The following USP47 variants were observed in gnomAD, a reference collection of about 807,000 sequenced individuals.
USP47 encodes ubiquitin carboxyl-terminal hydrolase 47.
Under a neutral mutation model 165.1 loss-of-function variants are expected in USP47, and 35 were observed. The observed-to-expected ratio is 0.21, with a 90% confidence interval of 0.16 to 0.28. USP47 has a LOEUF of 0.28. Ranked by LOEUF, USP47 falls within the 10% of genes least tolerant of loss-of-function variation. USP47 has a pLI of 1.00. For synonymous variants in USP47, 531 were observed against 544.5 expected, an observed-to-expected ratio of 0.98 and a Z score of 0.35; for missense variants, 1,277 against 1,607.4, an observed-to-expected ratio of 0.79 and a Z score of 3.52.
rs550986764 is a variant in USP47 at position 11,845,859 on chromosome 11, C to T, written c.39+3635C>T. Among the ~76,000 whole-genome samples, 11 of 152,284 alleles carry T rather than the reference C, an allele frequency of 7.2e-5. No homozygotes were observed. In the South Asian group the frequency reaches 1.0e-3, roughly 14 times the overall value. ...TTTAAGTTTTTGAGTTGAGAGAAGT[C>T]TAGATCTCTATAGCTGCCATCTTTT... is the stretch of plus-strand genomic sequence containing the variant. On this transcript the variant is annotated intron_variant, in intron 1 of 27. Transcript: ENST00000527733.
chr11:11,922,801 C>T lies in USP47; in HGVS notation c.1296C>T (p.Asn432=), dbSNP rs1176306188. 7 of 1,611,072 alleles carry T rather than the reference C, an allele frequency of 4.3e-6. No individual in the cohort carries two copies. Among genetic ancestry groups the T allele is most frequent in the Admixed American group, 1.7e-5 (1 of 59,842 alleles). The change falls in exon 11 of 28, where the codon AAC becomes AAT. Residue 432 remains asparagine, a synonymous_variant. Transcript: ENST00000527733. ...EGSCHSDQMS[N]DFSNDDGVDE... Reference sequence around the variant, plus strand: ...GTTGTCACAGTGATCAGATGAGCAACGATTTCTCCAATGATGATGGTGTTG... The same window carrying T: ...GTTGTCACAGTGATCAGATGAGCAATGATTTCTCCAATGATGATGGTGTTG...
intron 11 of USP47, among the ~76,000 whole-genome samples, chr11:11,924,547 T>C (rs1270480817): frequency 6.6e-6 from 1 of 152,202 alleles, no homozygotes; most frequent in Non-Finnish European, 1.5e-5. Flanking sequence ...GTTTCTTAAA[T>C]ATTTGGTAGA....
Position 11,957,098 on chromosome 11 carries a change from A to T in USP47, c.*923A>T, listed in dbSNP as rs534249728. 2.0e-5 allele frequency: 3 copies of T among 152,288 alleles called. No homozygotes were observed. In the South Asian group the frequency reaches 6.2e-4, roughly 32 times the overall value. The allele number at this position is 152,288 out of a possible 1,614,324, so 9.4% of individuals were successfully genotyped here. On this transcript the variant is annotated 3_prime_UTR_variant, in exon 28 of 28. Coordinates refer to ENST00000527733, the MANE Select transcript of USP47 (RefSeq NM_001282659.2). ...CATAGGATTGTCGTTGCCCTTGTTA[A>T]TGAGGTTTCTCTGTTCAGCGGCTTC... is the stretch of plus-strand genomic sequence containing the variant.
intron 1 of USP47, among the ~76,000 whole-genome samples, chr11:11,842,920 C>G (rs147529499): frequency 6.9e-6 from 1 of 145,474 alleles, no homozygotes; most frequent in Non-Finnish European, 1.5e-5. Context: ...GCAAGTGATA[C>G]GAGAAGCCTT....
intron 10 of USP47, 47 bp downstream of exon 10, chr11:11,920,541 C>A: frequency 1.3e-6 from 2 of 1,535,972 alleles, no homozygotes; most frequent in South Asian, 1.3e-5. Context: ...CCACATTAGT[C>A]AGTCATGGTT....
chr11:11,848,145 G>A lies in USP47; in HGVS notation c.39+5921G>A, dbSNP rs529699150. Reference sequence around the variant, plus strand: ...TTTATCAAAGTTATGTTTAATACATGCATATATTTATAAGAGTTAAATAGC... The same window carrying A: ...TTTATCAAAGTTATGTTTAATACATACATATATTTATAAGAGTTAAATAGC... On this transcript the variant is annotated intron_variant, in intron 1 of 27. Coordinates refer to ENST00000527733, the MANE Select transcript of USP47 (RefSeq NM_001282659.2). Among the ~76,000 whole-genome samples, 6 of 152,284 alleles carry A rather than the reference G, an allele frequency of 3.9e-5. No individual in the cohort carries two copies. The East Asian group carries it at 9.6e-4, about 24-fold the overall frequency.
rs763878691 is a variant in USP47 at position 11,936,377 on chromosome 11, A to G, written c.1944A>G (p.Leu648=). The part of the protein sequence containing the change: ...LVKYDEFHDY[L]ERSYEGEEDT... Reference sequence around the variant, plus strand: ...AATATGATGAGTTTCATGATTATCTAGAACGGTCATATGAAGGAGAAGAAG... The same window carrying G: ...AATATGATGAGTTTCATGATTATCTGGAACGGTCATATGAAGGAGAAGAAG... The change falls in exon 17 of 28, where the codon CTA becomes CTG. Residue 648 remains leucine (L), a synonymous_variant. Transcript: ENST00000527733. The G allele has an allele frequency of 9.9e-6, 16 of 1,610,320 alleles. No individual in the cohort carries two copies. The highest frequency in any genetic ancestry group is 1.2e-5 in the Non-Finnish European group (14 of 1,177,628).
At chr11:11,899,581 C>T (rs1317299879) in intron 5 of USP47, among the ~76,000 whole-genome samples, 2 of 152,004 alleles carry the variant, frequency 1.3e-5, no homozygotes, top group Non-Finnish European at 2.9e-5. Flanking sequence ...AGGGTCACAG[C>T]TTCAGGTAGT....
Position 11,950,462 on chromosome 11 carries a change from T to C in USP47, c.3563T>C (p.Val1188Ala), listed in dbSNP as rs746354661. Reference protein sequence around the residue: ...EDINISSNWEVFLEVLDGVEK... With the variant: ...EDINISSNWEAFLEVLDGVEK... ...ATTAATATTTCCAGCAACTGGGAGG[T>C]TTTCCTTGAAGTTCTTGATGGTATT... The change falls in exon 24 of 28, where the codon GTT (valine) becomes GCT (alanine). Residue 1188 changes from valine to alanine, a missense_variant. By Grantham distance (64) the Val-to-Ala change is moderately conservative. This residue lies in a region of USP47 where 909 missense variants were observed against 1,068.1 expected (regional missense o/e 0.85). Transcript: ENST00000527733. The C allele has an allele frequency of 1.9e-6, 3 of 1,605,160 alleles. No homozygotes were observed. The Admixed American group carries it at 5.1e-5, about 27-fold the overall frequency.
Position 11,961,322 on chromosome 11 carries a change from C to T in USP47, c.*5147C>T, listed in dbSNP as rs189120268. Among the ~76,000 whole-genome samples, 269 of 151,982 alleles carry T rather than the reference C, an allele frequency of 1.8e-3. 1 individual carries two copies. The highest frequency in any genetic ancestry group is 6.8e-3 in the Middle Eastern group (2 of 294). On this transcript the variant is annotated 3_prime_UTR_variant, in exon 28 of 28. Coordinates refer to ENST00000527733, the MANE Select transcript of USP47 (RefSeq NM_001282659.2). ...ATGCAATTAAGGTTAAGGACCTTGA[C>T]GTGGGAAGATTATTCTGGATTATCT...
chr11:11,942,738 T>G lies in USP47; in HGVS notation c.2717T>G (p.Leu906Arg). 6.2e-7 allele frequency: 1 copy of G among 1,613,622 alleles called. No individual in the cohort carries two copies. Among genetic ancestry groups the G allele is most frequent in the Non-Finnish European group, 8.5e-7 (1 of 1,179,758 alleles). Reference sequence around the variant, plus strand: ...TCAGCATCAGTGGATAATAGAGAACTTGAACAGCATATTCAGACTTCTGAT... The same window carrying G: ...TCAGCATCAGTGGATAATAGAGAACGTGAACAGCATATTCAGACTTCTGAT... ...DSSASVDNRELEQHIQTSDPE... is the reference protein window; with the variant it reads ...DSSASVDNREREQHIQTSDPE... Residue 906 changes from leucine (L) to arginine (R), a missense_variant, in exon 20 of 28, where the codon CTT becomes CGT. Leu to Arg is a moderately radical substitution (Grantham distance 102). Transcript: ENST00000527733.
intron 8 of USP47, among the ~76,000 whole-genome samples, chr11:11,906,932 T>C (rs1004614748): frequency 6.6e-6 from 1 of 152,198 alleles, no homozygotes; most frequent in Non-Finnish European, 1.5e-5. Flanking sequence ...CCAAGTGATA[T>C]GGACTATTTT....
chr11:11,853,893 G>A (rs992825955), intron 1 of USP47, among the ~76,000 whole-genome samples: 1 of 152,030 alleles, frequency 6.6e-6, no homozygotes, highest in East Asian at 1.9e-4. Context: ...TTGGGAGGCC[G>A]AGATGGGTGG....
intron 8 of USP47, among the ~76,000 whole-genome samples, chr11:11,908,390 C>T (rs1304191197): frequency 6.6e-6 from 1 of 152,074 alleles, no homozygotes; most frequent in African/African-American, 2.4e-5. Flanking sequence ...CCTCCTGTCT[C>T]AGCCTCTCAA....
At chr11:11,862,865 T>C (rs1849463757) in intron 1 of USP47, among the ~76,000 whole-genome samples, 1 of 152,172 alleles carries the variant, frequency 6.6e-6, no homozygotes. Context: ...CCTACAAGTG[T>C]AATTTTGTTA....
At chr11:11,903,918 G>A (rs1852383335) in intron 7 of USP47, among the ~76,000 whole-genome samples, 1 of 152,144 alleles carries the variant, frequency 6.6e-6, no homozygotes, top group Non-Finnish European at 1.5e-5. Context: ...TATAGTAAAT[G>A]AAGGTCACAG....
At chr11:11,936,798 G>T (rs1855105088) in intron 17 of USP47, among the ~76,000 whole-genome samples, 1 of 151,842 alleles carries the variant, frequency 6.6e-6, no homozygotes, top group Non-Finnish European at 1.5e-5. Flanking sequence ...AATCATTCTG[G>T]ATGCTGTCAA....
chr11:11,876,775 A>C (rs1325710615), intron 1 of USP47, among the ~76,000 whole-genome samples: 2 of 152,234 alleles, frequency 1.3e-5, no homozygotes, highest in East Asian at 3.8e-4. Flanking sequence ...CTGGGTTATA[A>C]GAGGGAATGT....
At chr11:11,875,910 CT>C (rs1480447969) in intron 1 of USP47, among the ~76,000 whole-genome samples, 1 of 152,148 alleles carries the variant, frequency 6.6e-6, no homozygotes, top group African/African-American at 2.4e-5. Context: ...GCCATTTTTA[CT>C]TTTTTAAAAA....
Sources: gnomAD v4.1 joint callset for allele counts (sites outside exome capture counted in the v4.1 genomes callset) on GRCh38, gnomAD v4.1.1 for gene constraint, gnomAD v4.1.1 regional missense constraint, MANE v1.5 for transcripts, NCBI Gene and HGNC (gene_info 2026-07-23, HGNC 2026-07-21) for gene names.